Variants in EYS observed in about 807,000 individuals in gnomAD.
EYS encodes protein eyes shut homolog.
EYS carries 250 observed loss-of-function variants against 282.1 expected under a neutral mutation model. The observed-to-expected ratio is 0.89, with a 90% CI of 0.80 to 0.98. The LOEUF is 0.98. EYS is among the 50% of genes least tolerant of loss of function. The pLI is 0.00. For missense variants in EYS, 4,016 were observed against 3,709.0 expected, an observed-to-expected ratio of 1.08 and a Z score of -2.15; for synonymous variants, 1,355 against 1,282.9, an observed-to-expected ratio of 1.06 and a Z score of -1.20.
intron 29 of EYS, among the ~76,000 whole-genome samples, chr6:64,327,281 G>C (rs1221774805): frequency 6.6e-6 from 1 of 152,118 alleles, no homozygotes; most frequent in Non-Finnish European, 1.5e-5. Flanking sequence ...CCCATAATAG[G>C]ACCCAGTCTG....
chr6:65,185,064 T>G (rs1362021987), intron 12 of EYS, among the ~76,000 whole-genome samples: 2 of 151,230 alleles, frequency 1.3e-5, no homozygotes, highest in African/African-American at 2.4e-5. Context: ...GTGTGATTGA[T>G]CTGAATTGCT....
intron 26 of EYS, among the ~76,000 whole-genome samples, chr6:64,569,644 G>C (rs1184912725): frequency 6.6e-6 from 1 of 151,978 alleles, no homozygotes; most frequent in Non-Finnish European, 1.5e-5. Flanking sequence ...GTGAGGCTGA[G>C]GCAGGAGAAT....
chr6:64,436,683 T>C (rs1239212354), intron 27 of EYS, among the ~76,000 whole-genome samples: 1 of 151,810 alleles, frequency 6.6e-6, no homozygotes, highest in Admixed American at 6.6e-5. Context: ...AACTTCAAGA[T>C]TGTGAAAACT....
chr6:64,667,152 G>A (rs1769261290), intron 22 of EYS, among the ~76,000 whole-genome samples: 1 of 149,884 alleles, frequency 6.7e-6, no homozygotes, highest in Non-Finnish European at 1.5e-5. Flanking sequence ...ATGTGTAAGA[G>A]CACAGAGAAC....
intron 35 of EYS, among the ~76,000 whole-genome samples, chr6:63,954,719 G>A (rs948475402): frequency 1.2e-4 from 18 of 152,164 alleles, no homozygotes; most frequent in African/African-American, 2.9e-4. Flanking sequence ...CCTACTCCCC[G>A]CTGAAACTTC....
At chr6:63,888,356 A>G (rs529632997) in intron 35 of EYS, among the ~76,000 whole-genome samples, 2 of 152,242 alleles carry the variant, frequency 1.3e-5, no homozygotes, top group Non-Finnish European at 2.9e-5. Flanking sequence ...GACACCTCCC[A>G]GCAGGGGTTG....
chr6:64,533,585 T>A (rs1044693844), intron 26 of EYS, among the ~76,000 whole-genome samples: 8 of 152,078 alleles, frequency 5.3e-5, no homozygotes, highest in African/African-American at 1.9e-4. Context: ...ATTCTTTACC[T>A]GTATCTATGT....
At chr6:64,405,178 C>G (rs1198988074) in intron 28 of EYS, among the ~76,000 whole-genome samples, 2 of 152,086 alleles carry the variant, frequency 1.3e-5, no homozygotes, top group Admixed American at 6.6e-5. Context: ...ATTCAGTTTT[C>G]ACATCCATGA....
chr6:65,306,109 A>T (rs928164789), intron 11 of EYS, among the ~76,000 whole-genome samples: 3 of 152,218 alleles, frequency 2.0e-5, no homozygotes, highest in Non-Finnish European at 1.5e-5. Flanking sequence ...GATATGTTGT[A>T]TATAATCAGG....
intron 31 of EYS, among the ~76,000 whole-genome samples, chr6:64,130,287 A>C (rs1025479619): frequency 6.6e-6 from 1 of 152,240 alleles, no homozygotes; most frequent in African/African-American, 2.4e-5. Flanking sequence ...GCACCATGGA[A>C]TACTATGCAG....
At chr6:64,292,421 TAAAAG>T (rs1450979074) in intron 30 of EYS, among the ~76,000 whole-genome samples, 5 of 152,052 alleles carry the variant, frequency 3.3e-5, no homozygotes, top group Admixed American at 3.3e-4. Flanking sequence ...CTTCATATGA[TAAAAG>T]AAAATAAATT....
chr6:65,353,236 T>C (rs989311150), intron 9 of EYS, among the ~76,000 whole-genome samples: 14 of 152,038 alleles, frequency 9.2e-5, no homozygotes, highest in Admixed American at 1.3e-4. Context: ...TCTAGTTTAC[T>C]TCACTATTAT....
At chr6:64,136,616 C>CTTGTA in intron 31 of EYS, among the ~76,000 whole-genome samples, 1 of 152,210 alleles carries the variant, frequency 6.6e-6, no homozygotes, top group Middle Eastern at 3.4e-3. Flanking sequence ...AATTAATCAA[C>CTTGTA]TTGTAAATCT....
intron 26 of EYS, among the ~76,000 whole-genome samples, chr6:64,475,846 G>T (rs999076057): frequency 3.3e-5 from 5 of 152,250 alleles, no homozygotes; most frequent in African/African-American, 1.2e-4. Context: ...GAGTGCAATA[G>T]CATGTTCATA....
intron 2 of EYS, among the ~76,000 whole-genome samples, chr6:65,610,749 A>G (rs2149794817): frequency 6.6e-6 from 1 of 152,212 alleles, no homozygotes; most frequent in East Asian, 1.9e-4. Flanking sequence ...CTTCCTTATG[A>G]TCAAAGCCAA....
intron 26 of EYS, among the ~76,000 whole-genome samples, chr6:64,507,558 CATA>C (rs1269100953): frequency 6.6e-6 from 1 of 152,060 alleles, no homozygotes; most frequent in Non-Finnish European, 1.5e-5. Context: ...AAATGACAAC[CATA>C]ATAAGAGACT....
intron 29 of EYS, among the ~76,000 whole-genome samples, chr6:64,327,570 A>G (rs558875957): frequency 6.6e-6 from 1 of 152,222 alleles, no homozygotes; most frequent in Admixed American, 6.5e-5. Context: ...CTGGGCACCC[A>G]GATCAGTTTC....
At chr6:65,560,728 T>C (rs1022408812) in intron 2 of EYS, among the ~76,000 whole-genome samples, 3 of 152,070 alleles carry the variant, frequency 2.0e-5, no homozygotes, top group Non-Finnish European at 4.4e-5. Flanking sequence ...ATAATGAATA[T>C]GCGTAATATA....
At chr6:65,236,851 G>T (rs1224670774) in intron 12 of EYS, among the ~76,000 whole-genome samples, 1 of 152,114 alleles carries the variant, frequency 6.6e-6, no homozygotes, top group African/African-American at 2.4e-5. Context: ...CCTGATGCAA[G>T]CTAAGCATTT....
Sources: gnomAD v4.1 joint callset for allele counts (sites outside exome capture counted in the v4.1 genomes callset) on GRCh38, gnomAD v4.1.1 for gene constraint, MANE v1.5 for transcripts, NCBI Gene and HGNC (gene_info 2026-07-23, HGNC 2026-07-21) for gene names.